The following LOC400499 variants were observed in gnomAD, a reference collection of about 807,000 sequenced individuals.
chr16:11,375,046 C>G, the LOC400499 span, among the ~76,000 whole-genome samples: 34 of 152,088 alleles, frequency 2.2e-4, 1 homozygote, highest in South Asian at 7.1e-3. Flanking sequence ...TGGGGTTTCA[C>G]CATGTTGGCC....
the LOC400499 span, chr16:11,439,722 C>T: frequency 5.1e-6 from 2 of 394,386 alleles, 1 homozygote; most frequent in South Asian, 2.8e-4. Flanking sequence ...TAATATTCCT[C>T]AGCCCTCAAT....
the LOC400499 span, among the ~76,000 whole-genome samples, chr16:11,452,953 T>C: frequency 1.3e-5 from 2 of 152,248 alleles, no homozygotes; most frequent in Non-Finnish European, 2.9e-5. Flanking sequence ...TGGTTTCTTT[T>C]TCCTTTTTTA....
the LOC400499 span, among the ~76,000 whole-genome samples, chr16:11,373,436 C>T: frequency 7.9e-5 from 12 of 152,112 alleles, no homozygotes; most frequent in African/African-American, 2.9e-4. Context: ...TGGGTTCAAG[C>T]GATTCTCCTG....
the LOC400499 span, among the ~76,000 whole-genome samples, chr16:11,483,278 C>T: frequency 3.3e-5 from 5 of 152,134 alleles, no homozygotes; most frequent in African/African-American, 4.8e-5. Context: ...AAACATATAC[C>T]TACCATATGA....
At chr16:11,473,120 T>A in the LOC400499 span, 1 of 150,344 alleles carries the variant, frequency 6.7e-6, no homozygotes, top group East Asian at 1.9e-4. Context: ...TATCTCAAAA[T>A]AAATAAATAA....
chr16:11,497,809 C>T, the LOC400499 span, among the ~76,000 whole-genome samples: 80 of 143,670 alleles, frequency 5.6e-4, no homozygotes, highest in African/African-American at 2.1e-3. Flanking sequence ...AAGAGAAGAA[C>T]AAACAATTTT....
At chr16:11,384,380 GC>G in the LOC400499 span, 40 of 1,016,542 alleles carry the variant, frequency 3.9e-5, no homozygotes, top group African/African-American at 5.7e-4. Flanking sequence ...TCCTCCCCCA[GC>G]CCCAGCCCTG....
chr16:11,469,132 G>C, the LOC400499 span: 3 of 399,240 alleles, frequency 7.5e-6, no homozygotes, highest in African/African-American at 2.1e-5. Context: ...CCCTGGGGAG[G>C]TGTCAGGTGC....
the LOC400499 span, among the ~76,000 whole-genome samples, chr16:11,428,102 TG>T: frequency 6.6e-6 from 1 of 152,216 alleles, no homozygotes; most frequent in African/African-American, 2.4e-5. Flanking sequence ...TGAGGGCGGC[TG>T]GTTGCCCATT....
chr16:11,424,928 T>C, the LOC400499 span, among the ~76,000 whole-genome samples: 2 of 152,136 alleles, frequency 1.3e-5, no homozygotes, highest in African/African-American at 4.8e-5. Flanking sequence ...CGGTAACAAC[T>C]GGTGCCCTGA....
the LOC400499 span, among the ~76,000 whole-genome samples, chr16:11,520,287 C>T: frequency 6.6e-6 from 1 of 152,066 alleles, no homozygotes; most frequent in Non-Finnish European, 1.5e-5. Flanking sequence ...ATAAACCAGA[C>T]ACAAAGGAAA....
At chr16:11,523,116 A>G in the LOC400499 span, among the ~76,000 whole-genome samples, 1 of 152,208 alleles carries the variant, frequency 6.6e-6, no homozygotes, top group Non-Finnish European at 1.5e-5. Context: ...CCAAAATGCA[A>G]ATGGCATCAC....
chr16:11,522,075 G>C, the LOC400499 span: 128 of 398,822 alleles, frequency 3.2e-4, no homozygotes, highest in Admixed American at 3.1e-3. Context: ...AATGATAGGT[G>C]TATCTGGTGC....
the LOC400499 span, among the ~76,000 whole-genome samples, chr16:11,401,651 C>A: frequency 6.6e-6 from 1 of 152,354 alleles, no homozygotes; most frequent in South Asian, 2.1e-4. Flanking sequence ...AGGTCGCGCT[C>A]CTCCTCCACT....
At chr16:11,516,795 G>A in the LOC400499 span, among the ~76,000 whole-genome samples, 1 of 151,956 alleles carries the variant, frequency 6.6e-6, no homozygotes, top group Non-Finnish European at 1.5e-5. Flanking sequence ...ACAGACATAT[G>A]GCCACCATGC....
At chr16:11,402,344 C>A in the LOC400499 span, 1 of 392,966 alleles carries the variant, frequency 2.5e-6, no homozygotes, top group African/African-American at 2.1e-5. Flanking sequence ...GTCACCATTA[C>A]CACTCGACAC....
chr16:11,485,675 TATCC>T, the LOC400499 span, among the ~76,000 whole-genome samples: 5 of 152,198 alleles, frequency 3.3e-5, no homozygotes, highest in African/African-American at 1.2e-4. Context: ...TCCTTATTCC[TATCC>T]ATCCATCTGC....
At chr16:11,439,715 T>C in the LOC400499 span, 2 of 394,780 alleles carry the variant, frequency 5.1e-6, no homozygotes, top group Non-Finnish European at 8.9e-6. Context: ...CCTCCCTTAA[T>C]ATTCCTCAGC....
the LOC400499 span, chr16:11,414,585 T>C: frequency 2.5e-6 from 1 of 399,258 alleles, no homozygotes; most frequent in Non-Finnish European, 4.4e-6. Context: ...CCAGACTACA[T>C]GAGAGGCCAT....
Sources: gnomAD v4.1 joint callset for allele counts (sites outside exome capture counted in the v4.1 genomes callset) on GRCh38, gnomAD v4.1.1 for gene constraint, MANE v1.5 for transcripts.